LYN: variants seen among roughly 807,000 people sequenced by gnomAD.
The protein encoded by LYN is tyrosine-protein kinase Lyn.
A neutral mutation model predicts 65.0 loss-of-function variants in LYN; 12 were observed. That is an observed-to-expected ratio of 0.18 (90% CI 0.12 to 0.30). The LOEUF (loss-of-function observed/expected upper bound fraction) is 0.30, where lower values mean the gene tolerates loss of function less well. Ranked by LOEUF, LYN falls within the 10% of genes least tolerant of loss-of-function variation. The probability of loss-of-function intolerance (pLI) is 1.00; values close to 1 mark genes in which losing one functional copy is unlikely to be tolerated. For synonymous variants in LYN, 222 were observed against 221.2 expected (o/e 1.00, Z -0.03); for missense variants, 380 against 623.2 (o/e 0.61, Z 4.16).
intron 1 of LYN, among the ~76,000 whole-genome samples, chr8:55,919,320 A>T (rs1295982929): frequency 1.3e-5 from 2 of 152,208 alleles, no homozygotes; most frequent in African/African-American, 2.4e-5. Flanking sequence ...GGAAATTGGG[A>T]TATAATTTAG....
intron 9 of LYN, among the ~76,000 whole-genome samples, chr8:55,968,983 A>C (rs1807534446): frequency 6.6e-6 from 1 of 152,208 alleles, no homozygotes; most frequent in Non-Finnish European, 1.5e-5. Flanking sequence ...CAGTTCACTC[A>C]TCAAATATTC....
intron 8 of LYN, among the ~76,000 whole-genome samples, chr8:55,957,689 T>A (rs1448379234): frequency 6.6e-6 from 1 of 152,200 alleles, no homozygotes; most frequent in East Asian, 1.9e-4. Flanking sequence ...ACACCTGTAA[T>A]CCTGGCACTT....
At chr8:55,911,098 T>TATATATATATATACACACACACACAC (rs1162508957) in intron 1 of LYN, among the ~76,000 whole-genome samples, 1 of 11,690 alleles carries the variant, frequency 8.6e-5, no homozygotes. Context: ...TATATATATA[T>TATATATATATATACACACACACACAC]ACATACACGT....
At chr8:55,996,274 T>G (rs575679151) in intron 10 of LYN, among the ~76,000 whole-genome samples, 1 of 152,306 alleles carries the variant, frequency 6.6e-6, no homozygotes, top group East Asian at 1.9e-4. Flanking sequence ...GGCCAGGGAT[T>G]GGCCTAGAGG....
At position 55,952,005 on chromosome 8, in the gene LYN, A is replaced by G; in HGVS notation, c.527A>G (p.His176Arg). The part of the protein sequence containing the change: ...SLSVRDFDPV[H>R]GDVIKHYKIR... ...TCTGTCAGAGACTTTGACCCTGTGC[A>G]TGGTGATGTTATTAAGCACTACAAA... The change falls in exon 7 of 13, where the codon CAT becomes CGT. Residue 176 changes from histidine to arginine, a missense_variant. By Grantham distance (29) the His-to-Arg change is conservative. This residue lies in a region of LYN where 223 missense variants were observed against 430.0 expected (regional missense o/e 0.52). Transcript: ENST00000519728. The G allele has an allele frequency of 6.2e-7, 1 of 1,612,318 alleles. No individual in the cohort carries two copies. The highest frequency in any genetic ancestry group is 8.5e-7 in the Non-Finnish European group (1 of 1,179,558).
intron 4 of LYN, 95 bp from the exon 5 acceptor site, chr8:55,950,364 C>A: frequency 1.2e-6 from 1 of 819,862 alleles, no homozygotes; most frequent in Non-Finnish European, 2.0e-6. Flanking sequence ...AATATCTGTA[C>A]ATAAATACAT....
intron 8 of LYN, among the ~76,000 whole-genome samples, chr8:55,956,717 AC>A (rs1468613685): frequency 1.3e-5 from 2 of 151,726 alleles, no homozygotes; most frequent in Non-Finnish European, 2.9e-5. Context: ...GTCTATTCCA[AC>A]CCCACTGGCT....
intron 1 of LYN, among the ~76,000 whole-genome samples, chr8:55,885,351 C>T (rs745629810): frequency 6.6e-6 from 1 of 152,200 alleles, no homozygotes; most frequent in Non-Finnish European, 1.5e-5. Flanking sequence ...TTTCTACAGT[C>T]CATGCTTCAG....
At chr8:55,992,691 T>G (rs1808282044) in intron 10 of LYN, among the ~76,000 whole-genome samples, 1 of 152,182 alleles carries the variant, frequency 6.6e-6, no homozygotes, top group African/African-American at 2.4e-5. Flanking sequence ...AAGCCTATGA[T>G]CTAGTGCTCT....
chr8:55,957,646 A>C (rs1390952893), intron 8 of LYN, among the ~76,000 whole-genome samples: 1 of 152,206 alleles, frequency 6.6e-6, no homozygotes, highest in Non-Finnish European at 1.5e-5. Context: ...CACTGTTTTT[A>C]AAGATGCAGT....
At chr8:55,948,496 C>T (rs776937514) in intron 4 of LYN, among the ~76,000 whole-genome samples, 3 of 152,178 alleles carry the variant, frequency 2.0e-5, no homozygotes, top group South Asian at 2.1e-4. Flanking sequence ...GCCTGAGTGT[C>T]GTCATCTCCT....
chr8:55,998,833 G>T (rs1165074961), intron 11 of LYN, among the ~76,000 whole-genome samples: 1 of 152,050 alleles, frequency 6.6e-6, no homozygotes, highest in Non-Finnish European at 1.5e-5. Context: ...TAATATACGG[G>T]GCTGTGGAGA....
chr8:55,926,670 AT>A (rs1355689957), intron 1 of LYN, among the ~76,000 whole-genome samples: 2 of 152,226 alleles, frequency 1.3e-5, no homozygotes, highest in African/African-American at 4.8e-5. Context: ...TGTAAAGACT[AT>A]TGGGTGTTAA....
intron 12 of LYN, among the ~76,000 whole-genome samples, chr8:56,002,184 ACTT>A (rs531843687): frequency 0.015 from 2,259 of 152,250 alleles, 57 homozygotes; most frequent in African/African-American, 0.045. Flanking sequence ...TGGGAGGCCC[ACTT>A]TGTGGGCGGA....
At chr8:55,890,903 A>G (rs1804941021) in intron 1 of LYN, among the ~76,000 whole-genome samples, 1 of 151,544 alleles carries the variant, frequency 6.6e-6, no homozygotes, top group Admixed American at 6.6e-5. Flanking sequence ...AGTTTTTTGT[A>G]TTTTTTGTAG....
chr8:55,969,905 C>T (rs1639201309), intron 10 of LYN, 112 bp downstream of exon 10: 2 of 937,856 alleles, frequency 2.1e-6, no homozygotes, highest in Admixed American at 1.8e-5. Context: ...GAATGTTTCC[C>T]AGCAGCAGTT....
chr8:55,925,232 C>G (rs1806073054), intron 1 of LYN, among the ~76,000 whole-genome samples: 1 of 152,138 alleles, frequency 6.6e-6, no homozygotes, highest in Non-Finnish European at 1.5e-5. Flanking sequence ...AGGCAATCCT[C>G]CCACATCAGC....
chr8:55,918,964 C>T (rs956839611), intron 1 of LYN, among the ~76,000 whole-genome samples: 3 of 133,506 alleles, frequency 2.2e-5, no homozygotes, highest in Admixed American at 9.2e-5. Flanking sequence ...TTTGGGAGTT[C>T]GAGGCAGGAG....
At chr8:55,940,620 T>G (rs895225557) in intron 1 of LYN, among the ~76,000 whole-genome samples, 2 of 152,174 alleles carry the variant, frequency 1.3e-5, no homozygotes, top group African/African-American at 4.8e-5. Flanking sequence ...GTGATCCGCC[T>G]TCCTTGGCTT....
Sources: allele counts gnomAD v4.1 joint callset (sites outside exome capture counted in the v4.1 genomes callset), GRCh38; gene constraint gnomAD v4.1.1; regional missense constraint gnomAD v4.1.1; transcripts MANE v1.5; gene names NCBI Gene and HGNC (gene_info 2026-07-23, HGNC 2026-07-21).